Variants in TNS1 observed in about 807,000 individuals in gnomAD.
TNS1 encodes tensin 1.
A neutral mutation model predicts 168.6 loss-of-function variants in TNS1; 62 were observed. The observed-to-expected ratio is 0.37, with a 90% CI of 0.30 to 0.45. The LOEUF is 0.45. Ranked by LOEUF, TNS1 falls within the 20% of genes least tolerant of loss-of-function variation. The pLI is 1.00. For synonymous variants in TNS1, 934 were observed against 933.2 expected (o/e 1.00, Z -0.02); for missense variants, 2,240 against 2,339.4 (o/e 0.96, Z 0.88).
At chr2:218,029,116 C>A (rs1029584847) in intron 1 of TNS1, among the ~76,000 whole-genome samples, 2 of 152,236 alleles carry the variant, frequency 1.3e-5, no homozygotes, top group Non-Finnish European at 2.9e-5. Context: ...AGGCCTGCCC[C>A]CAGAGAGTGA....
At chr2:217,842,980 T>G (rs1395941101) in intron 19 of TNS1, among the ~76,000 whole-genome samples, 1 of 152,232 alleles carries the variant, frequency 6.6e-6, no homozygotes, top group Non-Finnish European at 1.5e-5. Flanking sequence ...TGTGCTTATT[T>G]GCTCAGTATC....
At chr2:217,814,225 T>A (rs2125125823) in intron 25 of TNS1, among the ~76,000 whole-genome samples, 1 of 152,278 alleles carries the variant, frequency 6.6e-6, no homozygotes, top group South Asian at 2.1e-4. Context: ...TATGTTGCCC[T>A]GGCTGGTCTC....
At chr2:217,944,163 T>G (rs953834282) in intron 3 of TNS1, 2 of 152,428 alleles carry the variant, frequency 1.3e-5, no homozygotes, top group African/African-American at 2.4e-5. Context: ...CAGCCAGCAG[T>G]GGGCCCCCTC....
intron 1 of TNS1, among the ~76,000 whole-genome samples, chr2:218,025,930 A>T (rs1896491): frequency 0.9 from 137,493 of 152,156 alleles, 62,349 homozygotes; most frequent in African/African-American, 0.98. Context: ...GCTAGGACGC[A>T]TCCTCCAGGC....
intron 3 of TNS1, among the ~76,000 whole-genome samples, chr2:217,953,668 T>A (rs1347609851): frequency 1.3e-5 from 2 of 151,996 alleles, no homozygotes; most frequent in African/African-American, 4.8e-5. Context: ...CGCTCCCACC[T>A]CCACAATCCT....
intron 18 of TNS1, chr2:217,850,490 G>C (rs1371464994): frequency 1.0e-6 from 1 of 984,920 alleles, no homozygotes; most frequent in Non-Finnish European, 1.2e-6. Context: ...CGGGGCCAAA[G>C]GGCTGACTCA....
intron 6 of TNS1, among the ~76,000 whole-genome samples, chr2:217,902,751 G>C (rs1202238373): frequency 1.3e-5 from 2 of 152,160 alleles, no homozygotes; most frequent in Non-Finnish European, 2.9e-5. Context: ...GCATGGGGAG[G>C]AAGCCACCCT....
chr2:217,966,308 T>TGTGC (rs372273499), intron 3 of TNS1, among the ~76,000 whole-genome samples: 149 of 133,736 alleles, frequency 1.1e-3, no homozygotes, highest in Middle Eastern at 3.9e-3. Flanking sequence ...TGTGTGTGTG[T>TGTGC]GCGCGCGCGC....
At chr2:217,972,355 G>A (rs1016252841) in intron 3 of TNS1, among the ~76,000 whole-genome samples, 2 of 152,278 alleles carry the variant, frequency 1.3e-5, no homozygotes, top group East Asian at 3.9e-4. Context: ...CTCCCACTCA[G>A]GTATTTCTGG....
In TNS1 at chr2:217,897,942, C is replaced by T. The variant is rs1021042440; in HGVS notation, c.399G>A (p.Glu133=). The change falls in exon 8 of 33, where the codon GAG becomes GAA. Residue 133 remains glutamate, a synonymous_variant. Coordinates refer to ENST00000682258, the MANE Select transcript of TNS1 (RefSeq NM_001387777.1). ...ACACCAGGTCCAGCTCACAGCTGTC[C>T]TCCATGGTCCGGCTCACACTCATGT... ...IRNMSVSRTM[E]DSCELDLVYV... 1.6e-5 allele frequency: 26 copies of T among 1,578,970 alleles called. No homozygotes were observed. The highest frequency in any genetic ancestry group is 2.2e-5 in the Non-Finnish European group (25 of 1,157,432).
rs1301925643 is a variant in TNS1, at chr2:217,918,753, C to A, written c.228+1442G>T. 2.0e-5 allele frequency among the ~76,000 whole-genome samples: 3 copies of A among 152,024 alleles called. No homozygotes were observed. In the South Asian group the frequency reaches 6.2e-4, roughly 32 times the overall value. ...GGAGAAATGGACACTCACCCCTCCC[C>A]GCCCGCCCTCCTCGGACTCCCATGG... is the stretch of plus-strand genomic sequence containing the variant. On this transcript the variant is annotated intron_variant, in intron 4 of 32. Coordinates refer to ENST00000682258, the MANE Select transcript of TNS1 (RefSeq NM_001387777.1).
Position 217,813,338 on chromosome 2 carries a change from T to C in TNS1, c.4862-31A>G. On this transcript the variant is annotated intron_variant, in intron 26 of 32. Transcript: ENST00000682258. This position sits in a 1 kb window ranked among gnomAD's most constrained non-coding sequence, Gnocchi z 4.0. ...ACAAAGAGAAAGAAATAAGGCTCAG[T>C]CCCTGCCCATGGCTTCCTCCCACCA... 1 of 1,510,482 alleles carries C rather than the reference T, an allele frequency of 6.6e-7. No homozygotes were observed. Among genetic ancestry groups the C allele is most frequent in the Non-Finnish European group, 9.0e-7 (1 of 1,107,170 alleles). The allele number at this position is 1,510,482 out of a possible 1,614,324, so 93.6% of individuals were successfully genotyped here.
At chr2:217,807,106 T>G (rs571574723) in intron 32 of TNS1, among the ~76,000 whole-genome samples, 1 of 152,366 alleles carries the variant, frequency 6.6e-6, no homozygotes, top group East Asian at 1.9e-4. Context: ...ACACTGAACG[T>G]TTTGTTTTTC....
intron 3 of TNS1, among the ~76,000 whole-genome samples, chr2:217,922,674 T>A (rs1455093059): frequency 1.3e-5 from 2 of 152,206 alleles, no homozygotes; most frequent in Non-Finnish European, 2.9e-5. Flanking sequence ...CCAGACCTAC[T>A]CTCAGGCAGT....
At chr2:217,870,923 G>T (rs1949718519) in intron 18 of TNS1, among the ~76,000 whole-genome samples, 1 of 152,214 alleles carries the variant, frequency 6.6e-6, no homozygotes, top group Non-Finnish European at 1.5e-5. Flanking sequence ...TACCCGCAAG[G>T]TCAGGCTTGC....
chr2:218,016,216 G>T (rs1283216797), intron 1 of TNS1, among the ~76,000 whole-genome samples: 6 of 152,276 alleles, frequency 3.9e-5, no homozygotes, highest in African/African-American at 1.4e-4. Flanking sequence ...GGACAGAGAG[G>T]GTGGTTGGGT....
intron 18 of TNS1, among the ~76,000 whole-genome samples, chr2:217,865,937 C>G (rs1949231624): frequency 6.6e-6 from 1 of 152,182 alleles, no homozygotes; most frequent in African/African-American, 2.4e-5. Flanking sequence ...TTCCCATGTC[C>G]ACAAGCCATG....
In TNS1 at chr2:217,818,454, G is replaced by A. The variant is rs749605553; in HGVS notation, c.3878C>T (p.Thr1293Ile). The A allele has an allele frequency of 6.8e-6, 11 of 1,614,198 alleles. No individual in the cohort carries two copies. Among genetic ancestry groups the A allele is most frequent in the South Asian group, 1.1e-5 (1 of 91,080 alleles). ...CCAGCCGAAGCCAGGACTAGGGGGA[G>A]TGTTGGTGCCCACTGTTCTGTGGCG... ...QARHRTVGTNTPPSPGFGWRA... is the reference protein window; with the variant it reads ...QARHRTVGTNIPPSPGFGWRA... Residue 1293 changes from threonine (T) to isoleucine (I), a missense_variant, in exon 24 of 33, where the codon ACT becomes ATT. Thr to Ile is a moderately conservative substitution (Grantham distance 89, BLOSUM62 -1). Transcript: ENST00000682258.
chr2:217,821,617 G>T, intron 23 of TNS1, 123 bp downstream of exon 23: 1 of 979,898 alleles, frequency 1.0e-6, no homozygotes, highest in Non-Finnish European at 1.4e-6. Flanking sequence ...GCAAGGTACC[G>T]CCATCTGGGT....
Sources: allele counts gnomAD v4.1 joint callset (sites outside exome capture counted in the v4.1 genomes callset), GRCh38; gene constraint gnomAD v4.1.1; non-coding constraint Gnocchi (gnomAD v3.1); transcripts MANE v1.5; gene names NCBI Gene and HGNC (gene_info 2026-07-23, HGNC 2026-07-21).